Variants in CDH8 observed in about 807,000 individuals in gnomAD.
CDH8 encodes cadherin 8.
In CDH8, 17 loss-of-function variants were observed where a neutral mutation model predicts 68.1. The observed-to-expected ratio is 0.25, with a 90% CI of 0.17 to 0.37. CDH8 has a LOEUF of 0.37. CDH8 is among the 10% of genes least tolerant of loss of function. The pLI, the probability that CDH8 is intolerant of heterozygous loss-of-function variation, is 1.00. For missense variants in CDH8, 763 were observed against 999.3 expected (o/e 0.76, Z 3.19); for synonymous variants, 372 against 365.1 (o/e 1.02, Z -0.21).
rs1342415954 is a variant in CDH8 at position 61,653,013 on chromosome 16, A to G, written c.*595T>C. 3 of 1,450,626 alleles carry G rather than the reference A, an allele frequency of 2.1e-6. No homozygotes were observed. In the African/African-American group the frequency reaches 4.2e-5, roughly 21 times the overall value. The allele number at this position is 1,450,626 out of a possible 1,614,324, so 89.9% of individuals were successfully genotyped here. A position where few individuals can be genotyped will look rare whatever the true frequency, so the allele number is the denominator to read the frequency against. On this transcript the variant is annotated 3_prime_UTR_variant, in exon 12 of 12. Coordinates refer to ENST00000577390, the MANE Select transcript of CDH8 (RefSeq NM_001796.5). ...TATTTTAAGGCTCGACACAATATTT[A>G]AAGATGCTATTCAGTCTCTAGTGAG...
At chr16:61,675,881 G>A (rs926268612) in intron 10 of CDH8, among the ~76,000 whole-genome samples, 2 of 150,834 alleles carry the variant, frequency 1.3e-5, no homozygotes, top group Admixed American at 1.3e-4. Context: ...TTAGACTAAT[G>A]ACAATATTAA....
intron 10 of CDH8, among the ~76,000 whole-genome samples, chr16:61,680,414 G>A (rs1963990482): frequency 6.6e-6 from 1 of 151,654 alleles, no homozygotes. Flanking sequence ...TCTAATACAC[G>A]CCGTTCTCTT....
chr16:61,944,568 G>T (rs1409226394), intron 2 of CDH8, among the ~76,000 whole-genome samples: 1 of 152,090 alleles, frequency 6.6e-6, no homozygotes, highest in Non-Finnish European at 1.5e-5. Flanking sequence ...TAACTTATTA[G>T]GTTTTTATGA....
chr16:61,760,478 T>A (rs1450491694), intron 8 of CDH8, among the ~76,000 whole-genome samples: 1 of 151,564 alleles, frequency 6.6e-6, no homozygotes, highest in Admixed American at 6.6e-5. Flanking sequence ...GCCCAGCTAA[T>A]TTTTTTGAAT....
intron 2 of CDH8, among the ~76,000 whole-genome samples, chr16:62,002,671 T>G (rs1252447015): frequency 6.6e-6 from 1 of 152,248 alleles, no homozygotes; most frequent in Non-Finnish European, 1.5e-5. Flanking sequence ...ATACCCCATT[T>G]TTTATAAGAA....
intron 7 of CDH8, among the ~76,000 whole-genome samples, chr16:61,807,145 A>G (rs1961804971): frequency 6.6e-6 from 1 of 150,992 alleles, no homozygotes; most frequent in African/African-American, 2.4e-5. Context: ...TGCAGCCATA[A>G]AAAATGATGA....
intron 10 of CDH8, among the ~76,000 whole-genome samples, chr16:61,660,524 G>T (rs899304016): frequency 2.0e-5 from 3 of 151,856 alleles, no homozygotes; most frequent in Non-Finnish European, 4.4e-5. Flanking sequence ...GGAAGAGAAG[G>T]AGAAAGAAAC....
chr16:61,766,650 CTGTTTGTTTGTT>C (rs35735694), intron 8 of CDH8, among the ~76,000 whole-genome samples: 3 of 151,124 alleles, frequency 2.0e-5, no homozygotes, highest in African/African-American at 4.9e-5. Flanking sequence ...CTGTCTATTT[CTGTTTGTTTGTT>C]TGTTTGTTTG....
At chr16:61,862,390 A>C (rs1047637752) in intron 3 of CDH8, among the ~76,000 whole-genome samples, 2 of 152,174 alleles carry the variant, frequency 1.3e-5, no homozygotes, top group African/African-American at 4.8e-5. Flanking sequence ...AATGAATGCC[A>C]TATCTCCCAG....
chr16:61,749,844 A>T (rs948196327), intron 8 of CDH8, among the ~76,000 whole-genome samples: 1 of 152,094 alleles, frequency 6.6e-6, no homozygotes, highest in Non-Finnish European at 1.5e-5. Flanking sequence ...AAATAGTGAC[A>T]TGTAAACTAT....
chr16:61,691,931 G>A (rs929769072), intron 10 of CDH8: 1 of 151,900 alleles, frequency 6.6e-6, no homozygotes, highest in Non-Finnish European at 1.5e-5. Flanking sequence ...GATATGCAGG[G>A]GAAATACATC....
chr16:61,793,277 T>A (rs957800863), intron 7 of CDH8, among the ~76,000 whole-genome samples: 2 of 151,810 alleles, frequency 1.3e-5, no homozygotes, highest in Admixed American at 1.3e-4. Context: ...AAGTTCAGAG[T>A]TACATGTGCA....
At chr16:61,809,883 C>T (rs1008212393) in intron 7 of CDH8, among the ~76,000 whole-genome samples, 5 of 152,246 alleles carry the variant, frequency 3.3e-5, no homozygotes, top group South Asian at 2.1e-4. Flanking sequence ...TAGCAAAGAC[C>T]GTGGAATTCA....
intron 10 of CDH8, among the ~76,000 whole-genome samples, chr16:61,704,843 GA>G (rs903363819): frequency 4.6e-5 from 7 of 152,124 alleles, no homozygotes; most frequent in African/African-American, 1.7e-4. Context: ...TTTTGTAAGA[GA>G]AAAAACTGAG....
At chr16:61,744,373 TTC>T (rs761203731) in intron 8 of CDH8, among the ~76,000 whole-genome samples, 67 of 152,208 alleles carry the variant, frequency 4.4e-4, no homozygotes, top group Non-Finnish European at 8.8e-4. Flanking sequence ...GGGGAAACAT[TTC>T]TTTCTCCTTA....
chr16:61,889,168 CT>C (rs1250958391), intron 3 of CDH8, among the ~76,000 whole-genome samples: 3 of 152,066 alleles, frequency 2.0e-5, no homozygotes, highest in Non-Finnish European at 4.4e-5. Flanking sequence ...TTGTAAATAT[CT>C]GTTGTCTTTT....
intron 6 of CDH8, 178 bp from the exon 7 acceptor site, chr16:61,817,910 C>A: frequency 1.8e-6 from 1 of 541,244 alleles, no homozygotes; most frequent in Non-Finnish European, 3.2e-6. Context: ...TTATTTATGT[C>A]TGTTTATTAT....
Position 61,647,667 on chromosome 16 carries a change from C to A in CDH8, c.*5941G>T, listed in dbSNP as rs1231675000. The A allele has an allele frequency of 1.6e-6, 1 of 618,510 alleles. No homozygotes were observed. Among genetic ancestry groups the A allele is most frequent in the Non-Finnish European group, 2.9e-6 (1 of 347,872 alleles). 38.3% of individuals were successfully genotyped at this position (618,510 alleles called of 1,614,324 possible). A position where few individuals can be genotyped will look rare whatever the true frequency, so the allele number is the denominator to read the frequency against. On this transcript the variant is annotated 3_prime_UTR_variant, in exon 12 of 12. Transcript: ENST00000577390. ...TAAATTGTCATGGTCCATCTTAGAGCATAATTGTTAAAATTTTCCTCTTAT... is the reference window on the plus strand; with the variant it reads ...TAAATTGTCATGGTCCATCTTAGAGAATAATTGTTAAAATTTTCCTCTTAT...
At chr16:61,742,763 C>T (rs1174818712) in intron 8 of CDH8, among the ~76,000 whole-genome samples, 2 of 152,242 alleles carry the variant, frequency 1.3e-5, no homozygotes, top group South Asian at 2.1e-4. Flanking sequence ...GTTAATTCTC[C>T]TATCTTGTAA....
Sources: gnomAD v4.1 joint callset for allele counts (sites outside exome capture counted in the v4.1 genomes callset) on GRCh38, gnomAD v4.1.1 for gene constraint, MANE v1.5 for transcripts, NCBI Gene and HGNC (gene_info 2026-07-23, HGNC 2026-07-21) for gene names.